SLC26A5: variants seen among roughly 807,000 people sequenced by gnomAD.
SLC26A5 encodes the protein prestin.
Under a neutral mutation model 81.0 loss-of-function variants are expected in SLC26A5, and 51 were observed. That is an observed-to-expected ratio of 0.63 (90% CI 0.50 to 0.80). The LOEUF (loss-of-function observed/expected upper bound fraction) is 0.80, where lower values mean the gene tolerates loss of function less well. Among genes scored for constraint, SLC26A5 ranks in the 30% least tolerant of loss-of-function variants. SLC26A5 has a pLI of 0.00. For missense variants in SLC26A5, 771 were observed against 905.8 expected (o/e 0.85, Z 1.91); for synonymous variants, 325 against 332.8 (o/e 0.98, Z 0.25).
chr7:103,419,252 A>G (rs942543792), intron 4 of SLC26A5, among the ~76,000 whole-genome samples: 1 of 152,174 alleles, frequency 6.6e-6, no homozygotes, highest in Non-Finnish European at 1.5e-5. Context: ...CTTATGCACA[A>G]AGAAAACCTA....
At chr7:103,408,466 A>G (rs1361313660) in intron 7 of SLC26A5, among the ~76,000 whole-genome samples, 1 of 152,154 alleles carries the variant, frequency 6.6e-6, no homozygotes. Flanking sequence ...ACCTCAAGTC[A>G]TCTGCCTGCC....
chr7:103,379,142 G>T, intron 16 of SLC26A5, 101 bp downstream of exon 16: 1 of 817,942 alleles, frequency 1.2e-6, no homozygotes. Flanking sequence ...GAGAAACAAA[G>T]CGAGAATGAA....
At chr7:103,384,213 G>A (rs965542261) in intron 14 of SLC26A5, among the ~76,000 whole-genome samples, 2 of 151,966 alleles carry the variant, frequency 1.3e-5, no homozygotes, top group Non-Finnish European at 2.9e-5. Flanking sequence ...CAAACTCCTC[G>A]CCTCAGCAAT....
chr7:103,353,134 G>A (rs1277574720), intron 19 of SLC26A5, among the ~76,000 whole-genome samples: 1 of 151,936 alleles, frequency 6.6e-6, no homozygotes, highest in Admixed American at 6.6e-5. Flanking sequence ...AACCACCGTA[G>A]AACACCATTT....
chr7:103,363,992 T>C (rs956243814), intron 19 of SLC26A5: 18 of 682,948 alleles, frequency 2.6e-5, no homozygotes, highest in African/African-American at 3.6e-5. Context: ...AGTTCAAGTA[T>C]GTATATTGTG....
intron 2 of SLC26A5, among the ~76,000 whole-genome samples, chr7:103,422,962 C>T (rs1185891611): frequency 6.6e-6 from 1 of 150,542 alleles, no homozygotes; most frequent in Non-Finnish European, 1.5e-5. Context: ...AATGAAATCA[C>T]ATTCAAATTG....
intron 19 of SLC26A5, among the ~76,000 whole-genome samples, chr7:103,374,849 A>G (rs1821239155): frequency 2.0e-5 from 3 of 151,182 alleles, no homozygotes; most frequent in Admixed American, 1.3e-4. Flanking sequence ...TTTCACTCCA[A>G]TTCATGTCTC....
At position 103,430,325 on chromosome 7, in the gene SLC26A5, C is replaced by T. The variant is rs184591609; in HGVS notation, c.-53-8758G>A. ...AACTCCTGACCTCAGGTGAGCCGCC[C>T]GCCTCGGCCTCCCAAAGTGCTGGGA... On this transcript the variant is annotated intron_variant, in intron 2 of 19. Coordinates refer to ENST00000306312, the MANE Select transcript of SLC26A5 (RefSeq NM_198999.3). Among the ~76,000 whole-genome samples, 596 of 152,224 alleles carry T rather than the reference C, an allele frequency of 3.9e-3. 4 individuals carry two copies. The highest frequency in any genetic ancestry group is 0.012 in the African/African-American group (500 of 41,542).
chr7:103,434,564 C>T (rs1431484954), intron 2 of SLC26A5, among the ~76,000 whole-genome samples: 1 of 152,104 alleles, frequency 6.6e-6, no homozygotes, highest in Non-Finnish European at 1.5e-5. Flanking sequence ...GATTTTCTTA[C>T]TGGATTGCTT....
chr7:103,440,216 T>G (rs6950571), intron 2 of SLC26A5, among the ~76,000 whole-genome samples: 59,118 of 152,016 alleles, frequency 0.39, 15,591 homozygotes, highest in African/African-American at 0.74. Context: ...AGGAAGGAAA[T>G]AATAAAGCAA....
chr7:103,368,009 T>G (rs1264390282), intron 19 of SLC26A5: 9 of 1,613,938 alleles, frequency 5.6e-6, no homozygotes, highest in Non-Finnish European at 7.6e-6. Context: ...TCATTAAGTC[T>G]TATGCCAAAT....
intron 8 of SLC26A5, among the ~76,000 whole-genome samples, chr7:103,400,923 TCTGTTTTGGTACCAGTACCATG>T (rs1256689759): frequency 6.6e-6 from 1 of 152,212 alleles, no homozygotes; most frequent in African/African-American, 2.4e-5. Flanking sequence ...GGTCTATATA[TCTGTTTTGGTACCAGTACCATG>T]CTGTTTTGGT....
chr7:103,356,872 G>C (rs1820065043), intron 19 of SLC26A5, among the ~76,000 whole-genome samples: 1 of 151,998 alleles, frequency 6.6e-6, no homozygotes, highest in African/African-American at 2.4e-5. Flanking sequence ...ATTCTCCTCT[G>C]TTTATAATCC....
chr7:103,374,201 G>A (rs1821175744), downstream of SLC26A5: 1 of 1,378,218 alleles, frequency 7.3e-7, no homozygotes, highest in Admixed American at 3.2e-5. Context: ...GCAGGCAACA[G>A]GCCAATTTAT....
chr7:103,366,225 A>G (rs945435161), intron 19 of SLC26A5: 8 of 1,362,334 alleles, frequency 5.9e-6, no homozygotes, highest in African/African-American at 2.9e-5. Context: ...GTAAAGTGAT[A>G]TGTCGTGATA....
chr7:103,390,352 C>T (rs1822546731), intron 12 of SLC26A5, 77 bp downstream of exon 12: 2 of 1,283,372 alleles, frequency 1.6e-6, no homozygotes, highest in Admixed American at 3.4e-5. Flanking sequence ...CTAATATAGC[C>T]ATAAGAACAT....
intron 2 of SLC26A5, among the ~76,000 whole-genome samples, chr7:103,438,441 C>T (rs1215530587): frequency 6.6e-6 from 1 of 151,104 alleles, no homozygotes; most frequent in Non-Finnish European, 1.5e-5. Context: ...CAACCTCTGC[C>T]TCCCAGGTTC....
chr7:103,369,649 A>G (rs1216857905), downstream of SLC26A5, among the ~76,000 whole-genome samples: 4 of 152,194 alleles, frequency 2.6e-5, no homozygotes, highest in South Asian at 4.1e-4. Context: ...GTTTGTACTC[A>G]AAGAGATGAA....
intron 11 of SLC26A5, 80 bp downstream of exon 11, chr7:103,391,542 T>C: frequency 2.5e-6 from 3 of 1,192,004 alleles, no homozygotes; most frequent in South Asian, 1.3e-5. Flanking sequence ...TAGCTTTGTT[T>C]GGGTTCAGAA....
Sources: allele counts gnomAD v4.1 joint callset (sites outside exome capture counted in the v4.1 genomes callset), GRCh38; gene constraint gnomAD v4.1.1; transcripts MANE v1.5; gene names NCBI Gene and HGNC (gene_info 2026-07-23, HGNC 2026-07-21).